The following SIGLEC6 variants were observed in gnomAD, a reference collection of about 807,000 sequenced individuals.
SIGLEC6 encodes sialic acid-binding Ig-like lectin 6.
A neutral mutation model predicts 41.4 loss-of-function variants in SIGLEC6; 31 were observed. That is an observed-to-expected ratio of 0.75 (90% CI 0.56 to 1.01). The LOEUF is 1.01. Ranked by LOEUF, SIGLEC6 falls within the 50% of genes least tolerant of loss-of-function variation. SIGLEC6 has a pLI of 0.00. For missense variants in SIGLEC6, 555 were observed against 558.6 expected (o/e 0.99, Z 0.06); for synonymous variants, 217 against 231.0 (o/e 0.94, Z 0.55).
chr19:51,529,608 A>C, intron 5 of SIGLEC6, 116 bp downstream of exon 5: 1 of 1,336,612 alleles, frequency 7.5e-7, no homozygotes, highest in Non-Finnish European at 1.0e-6. Flanking sequence ...GGAGGGTCCC[A>C]GCAGTTGTGA....
rs2305773 is a variant in SIGLEC6, at chr19:51,531,418, G to A, written c.169C>T (p.Leu57Phe). The A allele has an allele frequency of 6.2e-7, 1 of 1,614,114 alleles. No homozygotes were observed. Among genetic ancestry groups the A allele is most frequent in the South Asian group, 1.1e-5 (1 of 91,084 alleles). The change falls in exon 2 of 8, where the codon CTT becomes TTT. Residue 57 changes from leucine (L) to phenylalanine (F), a missense_variant. Transcript: ENST00000425629. ...CCATAACCATAGTACGAGGCTGGAA[G>A]GGTAGTGGGCAATCTGCAGGGTACG... ...VLVPCRLPTT[L>F]PASYYGYGYW...
At chr19:51,529,553 C>A in intron 5 of SIGLEC6, 171 bp downstream of exon 5, 3 of 755,706 alleles carry the variant, frequency 4.0e-6, no homozygotes, top group South Asian at 1.8e-5. Context: ...GCTGCCAGTG[C>A]AGGGAGGAGC....
At chr19:51,525,864 C>T (rs983307407) in intron 7 of SIGLEC6, among the ~76,000 whole-genome samples, 1 of 152,168 alleles carries the variant, frequency 6.6e-6, no homozygotes, top group Non-Finnish European at 1.5e-5. Context: ...AGCTGGCAGC[C>T]CCTCTGCCAT....
chr19:51,520,269 A>G lies in SIGLEC6; in HGVS notation c.1189-14T>C. 6.5e-7 allele frequency: 1 copy of G among 1,541,704 alleles called. No individual in the cohort carries two copies. Among genetic ancestry groups the G allele is most frequent in the Non-Finnish European group, 8.9e-7 (1 of 1,129,492 alleles). On this transcript the variant is annotated splice_polypyrimidine_tract_variant and intron_variant, in intron 7 of 7. Coordinates refer to ENST00000425629, the MANE Select transcript of SIGLEC6 (RefSeq NM_001245.7). The stretch of plus-strand genomic sequence containing the variant: ...GTGCTGATGACCCTTAATGGAAGAA[A>G]AGAAAAGATTCAGGGCTGGACAATA...
chr19:51,529,394 G>C (rs1404167185), intron 5 of SIGLEC6: 4 of 375,352 alleles, frequency 1.1e-5, no homozygotes, highest in Non-Finnish European at 2.0e-5. Context: ...GCTGCTCTGG[G>C]ATGTTCTGGG....
chr19:51,530,558 C>T (rs774783078), intron 3 of SIGLEC6, 74 bp from the exon 4 acceptor site: 9 of 1,608,202 alleles, frequency 5.6e-6, no homozygotes, highest in South Asian at 3.3e-5. Context: ...CCCTCAGGAG[C>T]CATGAAAACA....
intron 7 of SIGLEC6, among the ~76,000 whole-genome samples, chr19:51,520,655 C>T (rs1478508323): frequency 6.6e-6 from 1 of 152,168 alleles, no homozygotes; most frequent in Non-Finnish European, 1.5e-5. Context: ...GGATTACAAG[C>T]ATGAGCCACC....
chr19:51,529,910 C>T lies in SIGLEC6; in HGVS notation c.826G>A (p.Ala276Thr). Residue 276 changes from alanine (A) to threonine (T), a missense_variant, in exon 5 of 8, where the codon GCT (alanine) becomes ACT (threonine). Transcript: ENST00000425629. ...AGGTGTGCAGGGGGGTTGCCGTCAGCATCACAGAGCAGCCGCAGAGCCTGG... is the reference window on the plus strand; with the variant it reads ...AGGTGTGCAGGGGGGTTGCCGTCAGTATCACAGAGCAGCCGCAGAGCCTGG... The part of the protein sequence containing the change: ...EGQALRLLCD[A>T]DGNPPAHLSW... The T allele has an allele frequency of 6.2e-7, 1 of 1,613,656 alleles. No homozygotes were observed. The highest frequency in any genetic ancestry group is 8.5e-7 in the Non-Finnish European group (1 of 1,179,664).
intron 7 of SIGLEC6, among the ~76,000 whole-genome samples, chr19:51,524,349 A>G (rs1369484788): frequency 6.6e-6 from 1 of 152,234 alleles, no homozygotes; most frequent in Non-Finnish European, 1.5e-5. Context: ...ATTAAATCAG[A>G]CAGTGTATTT....
intron 7 of SIGLEC6, among the ~76,000 whole-genome samples, chr19:51,520,675 G>A (rs553087548): frequency 6.6e-5 from 10 of 152,208 alleles, no homozygotes; most frequent in South Asian, 2.1e-4. Flanking sequence ...CACATCCACC[G>A]CATTCATTTA....
In SIGLEC6 at chr19:51,518,265, T is replaced by G. The variant is rs1990666645; in HGVS notation, c.*1817A>C. Among the ~76,000 whole-genome samples, 1 of 152,332 alleles carries G rather than the reference T, an allele frequency of 6.6e-6. No individual in the cohort carries two copies. The highest frequency in any genetic ancestry group is 1.5e-5 in the Non-Finnish European group (1 of 68,028). ...TAAGCCATCAAAGACATCTTTCTAT[T>G]GCATTTAGCCTTCCAATATTGCTCC... On this transcript the variant is annotated 3_prime_UTR_variant, in exon 8 of 8. Coordinates refer to ENST00000425629, the MANE Select transcript of SIGLEC6 (RefSeq NM_001245.7).
At chr19:51,520,463 C>T (rs996136153) in intron 7 of SIGLEC6, among the ~76,000 whole-genome samples, 2 of 152,052 alleles carry the variant, frequency 1.3e-5, no homozygotes, top group African/African-American at 2.4e-5. Flanking sequence ...GATCACGGCT[C>T]AGGCAGCCTT....
intron 7 of SIGLEC6, among the ~76,000 whole-genome samples, chr19:51,525,674 C>T (rs1432504299): frequency 3.3e-5 from 5 of 152,212 alleles, no homozygotes; most frequent in Non-Finnish European, 5.9e-5. Flanking sequence ...CTGGCACCTC[C>T]AACACACTAC....
chr19:51,522,325 G>A (rs200418566), intron 7 of SIGLEC6, among the ~76,000 whole-genome samples: 5 of 152,176 alleles, frequency 3.3e-5, no homozygotes, highest in East Asian at 1.9e-4. Flanking sequence ...TAAAATATCC[G>A]GATAATCAAC....
intron 5 of SIGLEC6, 190 bp from the exon 6 acceptor site, chr19:51,528,443 G>A (rs1300802044): frequency 8.3e-6 from 5 of 598,868 alleles, no homozygotes; most frequent in Non-Finnish European, 1.5e-5. Context: ...CTGCAAGACT[G>A]AGGACGTTGT....
rs150799517 is a variant in SIGLEC6 at position 51,528,906 on chromosome 19, G to A, written c.1013-653C>T. Among the ~76,000 whole-genome samples the A allele has an allele frequency of 7.3e-5, 11 of 151,680 alleles. No homozygotes were observed. The East Asian group carries it at 1.6e-3, about 21-fold the overall frequency. Reference sequence around the variant, plus strand: ...TGAGGCAGGAGAATCTCTTGAACCCGGGAGGTGGAGGTTGCATATGTCAGA... The same window carrying A: ...TGAGGCAGGAGAATCTCTTGAACCCAGGAGGTGGAGGTTGCATATGTCAGA... On this transcript the variant is annotated intron_variant, in intron 5 of 7. Transcript: ENST00000425629.
rs186522588 is a variant in SIGLEC6 at position 51,530,720 on chromosome 19, C to T, written c.667G>A (p.Gly223Ser). 759 of 1,614,056 alleles carry T rather than the reference C, an allele frequency of 4.7e-4. No homozygotes were observed. Among genetic ancestry groups the T allele is most frequent in the Non-Finnish European group, 6.0e-4 (712 of 1,179,990 alleles). Reference protein sequence around the residue: ...LTCQVTFPGAGVTMERTIQLN... With the variant: ...LTCQVTFPGASVTMERTIQLN... ...TGGATGGTTCTCTCCATGGTCACAC[C>T]GGCTCCAGGGAACGTCACCTGACAG... Residue 223 changes from glycine to serine, a missense_variant, in exon 3 of 8, where the codon GGT becomes AGT. Coordinates refer to ENST00000425629, the MANE Select transcript of SIGLEC6 (RefSeq NM_001245.7).
chr19:51,531,553 C>G, intron 1 of SIGLEC6, 29 bp downstream of exon 1: 1 of 1,613,962 alleles, frequency 6.2e-7, no homozygotes, highest in African/African-American at 1.3e-5. Flanking sequence ...CGGCCCAGCC[C>G]CACGGCACCT....
At position 51,527,732 on chromosome 19, in the gene SIGLEC6, G is replaced by A. The variant is rs1979475883; in HGVS notation, c.1188+15C>T. On this transcript the variant is annotated intron_variant, in intron 7 of 7. Transcript: ENST00000425629. ...GGGATAATGCTGAATGGAAATTAAGGTCTCTGTCACTCACCCTGGAGCCTG... is the reference window on the plus strand; with the variant it reads ...GGGATAATGCTGAATGGAAATTAAGATCTCTGTCACTCACCCTGGAGCCTG... The A allele has an allele frequency of 1.2e-6, 2 of 1,612,376 alleles. No individual in the cohort carries two copies. The highest frequency in any genetic ancestry group is 2.7e-5 in the African/African-American group (2 of 74,828).
Sources: gnomAD v4.1 joint callset for allele counts (sites outside exome capture counted in the v4.1 genomes callset) on GRCh38, gnomAD v4.1.1 for gene constraint, MANE v1.5 for transcripts, NCBI Gene and HGNC (gene_info 2026-07-23, HGNC 2026-07-21) for gene names.